The following C3orf49 variants were observed in gnomAD, a reference collection of about 807,000 sequenced individuals.
C3orf49 encodes the protein putative uncharacterized protein C3orf49.
In C3orf49, 27 loss-of-function variants were observed where a neutral mutation model predicts 13.3. The observed-to-expected ratio is 2.02, with a 90% CI of 1.49 to 2.79. The LOEUF is 2.79. Among genes scored for constraint, C3orf49 ranks in the 30% most tolerant of loss-of-function variants. The pLI, the probability that C3orf49 is intolerant of heterozygous loss-of-function variation, is 0.00. For synonymous variants in C3orf49, 87 were observed against 47.6 expected (o/e 1.83, Z -3.40); for missense variants, 242 against 134.2 (o/e 1.80, Z -3.97).
At chr3:63,841,213 G>A (rs560939834) in intron 5 of C3orf49, among the ~76,000 whole-genome samples, 25 of 152,276 alleles carry the variant, frequency 1.6e-4, no homozygotes, top group African/African-American at 2.4e-4. Context: ...GAGGCTTTGC[G>A]TGTGTGCATG....
intron 3 of C3orf49, among the ~76,000 whole-genome samples, chr3:63,828,266 T>G (rs1427712343): frequency 2.6e-5 from 4 of 152,134 alleles, no homozygotes; most frequent in Non-Finnish European, 1.5e-5. Context: ...AAACCAATGC[T>G]TTTACTTATC....
At chr3:63,817,349 C>T (rs1701335782), upstream of C3orf49, among the ~76,000 whole-genome samples, 1 of 152,074 alleles carries the variant, frequency 6.6e-6, no homozygotes, top group Non-Finnish European at 1.5e-5. Flanking sequence ...TTACCTGCAT[C>T]TCCCACAGCA....
intron 2 of C3orf49, among the ~76,000 whole-genome samples, chr3:63,826,517 G>T (rs1257634307): frequency 6.6e-6 from 1 of 152,080 alleles, no homozygotes; most frequent in East Asian, 1.9e-4. Context: ...CTAATATAAG[G>T]AGCAATGGAC....
the C3orf49 span, among the ~76,000 whole-genome samples, chr3:63,793,088 C>G: frequency 6.6e-6 from 1 of 152,208 alleles, no homozygotes; most frequent in South Asian, 2.1e-4. Flanking sequence ...ACACTGACCA[C>G]AGTGGGTTTT....
the C3orf49 span, among the ~76,000 whole-genome samples, chr3:63,788,837 T>C: frequency 1.3e-5 from 2 of 152,300 alleles, no homozygotes; most frequent in South Asian, 4.1e-4. Flanking sequence ...CTACTAACCT[T>C]AGAATCCGTG....
At chr3:63,845,177 T>C in intron 6 of C3orf49, 95 bp downstream of exon 6, 1 of 517,146 alleles carries the variant, frequency 1.9e-6, no homozygotes, top group Non-Finnish European at 3.5e-6. Context: ...TCTGCTCTCT[T>C]TAAGTATTTA....
chr3:63,815,783 T>C (rs967971149), upstream of C3orf49, among the ~76,000 whole-genome samples: 5 of 150,114 alleles, frequency 3.3e-5, no homozygotes, highest in Non-Finnish European at 7.4e-5. Context: ...TTTTTTTTTT[T>C]TTTTGACAGA....
chr3:63,810,145 C>CA, the C3orf49 span, among the ~76,000 whole-genome samples: 397 of 139,202 alleles, frequency 2.9e-3, 2 homozygotes, highest in African/African-American at 8.6e-3. Context: ...GACACCATCT[C>CA]AAAAAAAAAA....
Position 63,819,436 on chromosome 3 carries a change from A to C in C3orf49, c.-36A>C, listed in dbSNP as rs1422354063. 4.3e-6 allele frequency: 3 copies of C among 700,026 alleles called. No individual in the cohort carries two copies. The Admixed American group carries it at 6.1e-5, about 14-fold the overall frequency. The allele number at this position is 700,026 out of a possible 1,614,324, so 43.4% of individuals were successfully genotyped here. ...AGTCTGTAAGTTCAAGAACTAAAAC[A>C]ATCCAAAACGGCTACTACAGGTGAA... is the stretch of plus-strand genomic sequence containing the variant. On this transcript the variant is annotated 5_prime_UTR_variant, in exon 1 of 7. Transcript: ENST00000295896.
chr3:63,785,003 A>G, the C3orf49 span: 1 of 149,488 alleles, frequency 6.7e-6, no homozygotes, highest in Admixed American at 6.7e-5. Flanking sequence ...AATCTGTTTC[A>G]CTGAGAGGTA....
upstream of C3orf49, among the ~76,000 whole-genome samples, chr3:63,817,053 C>T (rs565940443): frequency 2.0e-5 from 3 of 152,124 alleles, no homozygotes; most frequent in African/African-American, 4.8e-5. Context: ...GGATTACAGG[C>T]GTGAGCCATC....
the C3orf49 span, among the ~76,000 whole-genome samples, chr3:63,813,558 G>GA: frequency 6.6e-5 from 10 of 151,846 alleles, no homozygotes; most frequent in Admixed American, 6.5e-4. Context: ...AAAAACAAAT[G>GA]AAAAAAAGGC....
intron 1 of C3orf49, among the ~76,000 whole-genome samples, chr3:63,820,912 G>A (rs1242306589): frequency 6.6e-6 from 1 of 152,108 alleles, no homozygotes; most frequent in Non-Finnish European, 1.5e-5. Context: ...GAGGCTGCTA[G>A]CTTCTCCCTT....
chr3:63,841,768 G>A (rs1026667879), intron 5 of C3orf49, among the ~76,000 whole-genome samples: 13 of 152,266 alleles, frequency 8.5e-5, no homozygotes, highest in Non-Finnish European at 1.6e-4. Context: ...AGTCCTTGAA[G>A]AGATTAAAAT....
chr3:63,804,591 G>A, the C3orf49 span, among the ~76,000 whole-genome samples: 5 of 152,120 alleles, frequency 3.3e-5, no homozygotes, highest in Non-Finnish European at 7.3e-5. Context: ...CTCTTCCTCA[G>A]GGAAGCCTGA....
intron 5 of C3orf49, among the ~76,000 whole-genome samples, chr3:63,836,813 T>G (rs574874987): frequency 1.3e-5 from 2 of 152,096 alleles, no homozygotes; most frequent in South Asian, 4.1e-4. Context: ...TTCAGAAACT[T>G]GCAAATAACT....
the C3orf49 span, among the ~76,000 whole-genome samples, chr3:63,782,029 C>T: frequency 6.6e-6 from 1 of 152,310 alleles, no homozygotes; most frequent in African/African-American, 2.4e-5. Flanking sequence ...TCACTGTGCT[C>T]TTATCCTTCT....
the C3orf49 span, among the ~76,000 whole-genome samples, chr3:63,791,047 G>A: frequency 3.9e-5 from 6 of 152,154 alleles, no homozygotes; most frequent in Admixed American, 3.9e-4. Context: ...ACTCCAGGGA[G>A]ATGTAAATTC....
At chr3:63,786,857 C>G in the C3orf49 span, among the ~76,000 whole-genome samples, 3 of 152,172 alleles carry the variant, frequency 2.0e-5, no homozygotes, top group Admixed American at 6.5e-5. Context: ...TCTCTCTGTT[C>G]TCCACATTTT....
Sources: gnomAD v4.1 joint callset for allele counts (sites outside exome capture counted in the v4.1 genomes callset) on GRCh38, gnomAD v4.1.1 for gene constraint, MANE v1.5 for transcripts, NCBI Gene and HGNC (gene_info 2026-07-23, HGNC 2026-07-21) for gene names.